DLG2: variants seen among roughly 807,000 people sequenced by gnomAD.
The protein encoded by DLG2 is disks large homolog 2.
A neutral mutation model predicts 132.5 loss-of-function variants in DLG2; 45 were observed. The ratio of observed to expected loss-of-function variants is 0.34; its 90% CI spans 0.27 to 0.44. The LOEUF (loss-of-function observed/expected upper bound fraction) is 0.44. Ranked by LOEUF, DLG2 falls within the 20% of genes least tolerant of loss-of-function variation. The pLI is 1.00. For synonymous variants in DLG2, 424 were observed against 419.6 expected (o/e 1.01, Z -0.13); for missense variants, 1,045 against 1,196.9 (o/e 0.87, Z 1.87).
intron 7 of DLG2, among the ~76,000 whole-genome samples, chr11:84,257,453 A>G (rs1338967736): frequency 6.6e-6 from 1 of 152,214 alleles, no homozygotes; most frequent in African/African-American, 2.4e-5. Flanking sequence ...GTATGTACTT[A>G]TATAGCAAAT....
intron 3 of DLG2, among the ~76,000 whole-genome samples, chr11:85,354,743 T>TCA (rs1419464192): frequency 3.3e-5 from 5 of 151,380 alleles, no homozygotes; most frequent in African/African-American, 9.7e-5. Context: ...TCTCTCTCTC[T>TCA]CTCACACACA....
Position 83,459,683 on chromosome 11 carries a change from TG to T in DLG2, c.*134del, listed in dbSNP as rs775803814. 5.5e-5 allele frequency: 33 copies of T among 600,878 alleles called. No homozygotes were observed. Among genetic ancestry groups the T allele is most frequent in the Non-Finnish European group, 8.7e-5 (29 of 334,742 alleles). 37.2% of individuals were successfully genotyped at this position (600,878 alleles called of 1,614,324 possible). ...CTTCATGGCTTCATACAGTTTGTGT[TG>T]TACATTCGTAAGAATTCACATTGAC... On this transcript the variant is annotated 3_prime_UTR_variant, in exon 28 of 28. Coordinates refer to ENST00000376104, the MANE Select transcript of DLG2 (RefSeq NM_001142699.3).
intron 4 of DLG2, among the ~76,000 whole-genome samples, chr11:85,244,227 C>T (rs931411182): frequency 1.3e-5 from 2 of 151,920 alleles, no homozygotes; most frequent in African/African-American, 4.8e-5. Flanking sequence ...TTTTAGATGT[C>T]AACTTTTAGT....
intron 4 of DLG2, among the ~76,000 whole-genome samples, chr11:85,192,435 GAACAAAGGGAACCTGGGGGAGA>G (rs2080669238): frequency 6.6e-6 from 1 of 152,126 alleles, no homozygotes; most frequent in African/African-American, 2.4e-5. Flanking sequence ...CAACTACCTA[GAACAAAGGGAACCTGGGGGAGA>G]AACCATAGGG....
At chr11:85,355,193 G>A (rs57104960) in intron 3 of DLG2, among the ~76,000 whole-genome samples, 7,465 of 152,140 alleles carry the variant, frequency 0.049, 243 homozygotes, top group East Asian at 0.095. Context: ...TTGAATAAAA[G>A]ATTGAATATT....
chr11:84,744,030 A>C (rs2065039091), intron 6 of DLG2, among the ~76,000 whole-genome samples: 1 of 152,152 alleles, frequency 6.6e-6, no homozygotes, highest in African/African-American at 2.4e-5. Context: ...GGCCGGAAAC[A>C]GAAGTTTCAT....
chr11:84,418,375 T>G (rs1422989717), intron 7 of DLG2, among the ~76,000 whole-genome samples: 1 of 152,176 alleles, frequency 6.6e-6, no homozygotes, highest in Non-Finnish European at 1.5e-5. Flanking sequence ...TAGTCCAGAA[T>G]AATAGTTGGA....
intron 4 of DLG2, among the ~76,000 whole-genome samples, chr11:85,185,230 C>G (rs2080005615): frequency 6.6e-6 from 1 of 151,878 alleles, no homozygotes; most frequent in Non-Finnish European, 1.5e-5. Flanking sequence ...CATGTTTTAC[C>G]CTTTTACTCT....
intron 3 of DLG2, among the ~76,000 whole-genome samples, chr11:85,553,671 A>C (rs1395075745): frequency 6.6e-6 from 1 of 151,686 alleles, no homozygotes; most frequent in African/African-American, 2.4e-5. Context: ...CATTCCTTTC[A>C]TGTACACATT....
intron 6 of DLG2, among the ~76,000 whole-genome samples, chr11:85,051,210 C>A (rs1333260831): frequency 6.6e-6 from 1 of 152,138 alleles, no homozygotes; most frequent in African/African-American, 2.4e-5. Flanking sequence ...ATAATCATCA[C>A]ATTCTTACCA....
At chr11:84,853,988 C>T (rs2082467975) in intron 6 of DLG2, among the ~76,000 whole-genome samples, 1 of 151,962 alleles carries the variant, frequency 6.6e-6, no homozygotes, top group Admixed American at 6.6e-5. Flanking sequence ...CTCTGGAGGC[C>T]TGCAATTGTC....
chr11:85,349,538 T>C lies in DLG2; in HGVS notation c.41-64173A>G, dbSNP rs555077518. On this transcript the variant is annotated intron_variant, in intron 3 of 27. Coordinates refer to ENST00000376104, the MANE Select transcript of DLG2 (RefSeq NM_001142699.3). ...CAACTCATCATTTACATTAGGTATT[T>C]CTCCTAATGCTATCCCTCCCCCAGC... Among the ~76,000 whole-genome samples the C allele has an allele frequency of 2.0e-5, 3 of 152,194 alleles. No homozygotes were observed. In the East Asian group the frequency reaches 5.8e-4, roughly 29 times the overall value.
chr11:85,271,733 A>G (rs1157797406), intron 4 of DLG2, among the ~76,000 whole-genome samples: 1 of 152,234 alleles, frequency 6.6e-6, no homozygotes, highest in Non-Finnish European at 1.5e-5. Context: ...TCAGACTTGC[A>G]TGGGGCCTTC....
At chr11:85,202,312 C>A (rs1311988533) in intron 4 of DLG2, among the ~76,000 whole-genome samples, 5 of 152,052 alleles carry the variant, frequency 3.3e-5, no homozygotes, top group Middle Eastern at 3.4e-3. Context: ...AGCTGTGAGA[C>A]AATAAAATCA....
At chr11:83,714,658 C>G (rs184460374) in intron 18 of DLG2, among the ~76,000 whole-genome samples, 11 of 152,334 alleles carry the variant, frequency 7.2e-5, no homozygotes, top group African/African-American at 2.4e-4. Context: ...GTAAGCTCCA[C>G]AGTAACAGCT....
chr11:83,895,450 G>A (rs950919482), intron 15 of DLG2, among the ~76,000 whole-genome samples: 6 of 152,112 alleles, frequency 3.9e-5, no homozygotes, highest in South Asian at 2.1e-4. Flanking sequence ...GTGAGCCACC[G>A]CGTCCAGCCA....
chr11:84,784,468 A>G (rs1021824371), intron 6 of DLG2, among the ~76,000 whole-genome samples: 2 of 151,932 alleles, frequency 1.3e-5, no homozygotes, highest in Admixed American at 6.6e-5. Flanking sequence ...TTTCAAATAC[A>G]TTAAAATAAG....
rs142212949 is a variant in DLG2, at chr11:84,234,766, A to T, written c.573+16472T>A. ...TGACTATTTAGAGTAATAAAATACC[A>T]ACATGACAGAGAGCAGGCCCTGAAA... On this transcript the variant is annotated intron_variant, in intron 8 of 27. Transcript: ENST00000376104. 2.0e-3 allele frequency among the ~76,000 whole-genome samples: 301 copies of T among 152,300 alleles called. 2 individuals are homozygous for T. The highest frequency in any genetic ancestry group is 7.1e-3 in the African/African-American group (294 of 41,548).
chr11:84,353,586 C>T (rs2098594590), intron 7 of DLG2, among the ~76,000 whole-genome samples: 1 of 152,138 alleles, frequency 6.6e-6, no homozygotes, highest in Admixed American at 6.6e-5. Context: ...TCCTTTTATT[C>T]AACAGCCATA....
Sources: allele counts gnomAD v4.1 joint callset (sites outside exome capture counted in the v4.1 genomes callset), GRCh38; gene constraint gnomAD v4.1.1; transcripts MANE v1.5; gene names NCBI Gene and HGNC (gene_info 2026-07-23, HGNC 2026-07-21).